NKAIN2: variants seen among roughly 807,000 people sequenced by gnomAD.
NKAIN2 encodes the protein sodium/potassium transporting ATPase interacting 2.
Under a neutral mutation model 32.6 loss-of-function variants are expected in NKAIN2, and 14 were observed. The observed-to-expected ratio is 0.43, with a 90% CI of 0.28 to 0.67. NKAIN2 has a LOEUF of 0.67. Ranked by LOEUF, NKAIN2 falls within the 30% of genes least tolerant of loss-of-function variation. The pLI is 0.17. For missense variants in NKAIN2, 198 were observed against 258.3 expected (o/e 0.77, Z 1.60); for synonymous variants, 80 against 87.2 (o/e 0.92, Z 0.46).
chr6:124,573,543 C>G (rs1236213788), intron 3 of NKAIN2, among the ~76,000 whole-genome samples: 9 of 151,944 alleles, frequency 5.9e-5, no homozygotes, highest in Non-Finnish European at 1.3e-4. Context: ...TTATTAAATT[C>G]TTCACAAATT....
chr6:123,826,747 G>C (rs964628159), intron 1 of NKAIN2, among the ~76,000 whole-genome samples: 4 of 152,020 alleles, frequency 2.6e-5, no homozygotes, highest in Non-Finnish European at 5.9e-5. Flanking sequence ...TCATCCATCA[G>C]TGAACTCTTG....
rs569357334 is a variant in NKAIN2 at position 124,119,616 on chromosome 6, G to A, written c.55-163389G>A. ...GTATTTGCTTTGTCCTGTGAAACATGGACTGTATAAGCATCTGTGATGCAA... is the reference window on the plus strand; with the variant it reads ...GTATTTGCTTTGTCCTGTGAAACATAGACTGTATAAGCATCTGTGATGCAA... On this transcript the variant is annotated intron_variant, in intron 1 of 6. Transcript: ENST00000368417. 5.3e-5 allele frequency among the ~76,000 whole-genome samples: 8 copies of A among 152,170 alleles called. No individual in the cohort carries two copies. The South Asian group carries it at 1.5e-3, about 28-fold the overall frequency.
intron 1 of NKAIN2, among the ~76,000 whole-genome samples, chr6:124,106,748 C>T (rs1021732916): frequency 2.6e-5 from 4 of 152,180 alleles, no homozygotes; most frequent in Admixed American, 2.6e-4. Context: ...CATATTTATG[C>T]TCTATCCATT....
At chr6:124,601,171 C>A (rs1410964394) in intron 3 of NKAIN2, among the ~76,000 whole-genome samples, 1 of 152,012 alleles carries the variant, frequency 6.6e-6, no homozygotes, top group African/African-American at 2.4e-5. Context: ...TGAGGTAGAT[C>A]CAGTTGAATG....
At chr6:124,282,292 G>T in intron 1 of NKAIN2, 3 of 342,142 alleles carry the variant, frequency 8.8e-6, no homozygotes, top group Middle Eastern at 3.9e-4. Flanking sequence ...TAACAGTGAT[G>T]CTTGATTTTT....
intron 3 of NKAIN2, among the ~76,000 whole-genome samples, chr6:124,568,288 G>A (rs1363734499): frequency 6.6e-6 from 1 of 152,176 alleles, no homozygotes; most frequent in Admixed American, 6.5e-5. Flanking sequence ...TGGGTATTTA[G>A]ACGAGCAATT....
intron 3 of NKAIN2, among the ~76,000 whole-genome samples, chr6:124,546,340 T>C (rs909235286): frequency 6.6e-6 from 1 of 151,916 alleles, no homozygotes; most frequent in Non-Finnish European, 1.5e-5. Context: ...CCACCCAGAG[T>C]TAGAAAAACT....
chr6:124,000,285 G>A (rs2114710219), intron 1 of NKAIN2, among the ~76,000 whole-genome samples: 1 of 152,132 alleles, frequency 6.6e-6, no homozygotes, highest in South Asian at 2.1e-4. Context: ...CAGATAAAGT[G>A]TAATGCCCAG....
chr6:124,692,331 C>A (rs920662769), intron 4 of NKAIN2, among the ~76,000 whole-genome samples: 1 of 152,132 alleles, frequency 6.6e-6, no homozygotes, highest in Non-Finnish European at 1.5e-5. Context: ...ATACAAAAAT[C>A]ATTGAGACAA....
At chr6:124,543,599 A>C (rs565437682) in intron 3 of NKAIN2, among the ~76,000 whole-genome samples, 1 of 152,332 alleles carries the variant, frequency 6.6e-6, no homozygotes, top group Non-Finnish European at 1.5e-5. Flanking sequence ...ACACCACAAC[A>C]CAAAAGATGA....
chr6:124,237,890 T>C (rs1792862544), intron 1 of NKAIN2, among the ~76,000 whole-genome samples: 1 of 152,066 alleles, frequency 6.6e-6, no homozygotes. Context: ...AGGAGAAAGA[T>C]GATAGAAAGA....
intron 3 of NKAIN2, among the ~76,000 whole-genome samples, chr6:124,380,217 T>C (rs1381394621): frequency 6.6e-6 from 1 of 152,132 alleles, no homozygotes; most frequent in East Asian, 1.9e-4. Flanking sequence ...GCTTTCTCTT[T>C]GTTCATTTAG....
intron 2 of NKAIN2, among the ~76,000 whole-genome samples, chr6:124,331,375 A>AAAAAAC (rs1797650052): frequency 6.8e-6 from 1 of 146,772 alleles, no homozygotes; most frequent in African/African-American, 2.5e-5. Context: ...AAAAAAAAAA[A>AAAAAAC]AAAACTAGCT....
At chr6:123,970,682 C>A (rs569391874) in intron 1 of NKAIN2, among the ~76,000 whole-genome samples, 1 of 151,962 alleles carries the variant, frequency 6.6e-6, no homozygotes, top group East Asian at 1.9e-4. Flanking sequence ...AGTTTGAGAC[C>A]AGCCTGGGTA....
intron 1 of NKAIN2, among the ~76,000 whole-genome samples, chr6:123,883,727 A>T (rs983321003): frequency 3.9e-4 from 59 of 150,372 alleles, no homozygotes; most frequent in Non-Finnish European, 6.7e-4. Flanking sequence ...GGTACATTTT[A>T]AAAAAATGTA....
chr6:124,583,823 C>A (rs1229041157), intron 3 of NKAIN2, among the ~76,000 whole-genome samples: 1 of 152,122 alleles, frequency 6.6e-6, no homozygotes, highest in Non-Finnish European at 1.5e-5. Flanking sequence ...GCATAGAGAA[C>A]CCAGAATCAA....
chr6:124,443,753 A>G (rs1775785060), intron 3 of NKAIN2, among the ~76,000 whole-genome samples: 1 of 152,124 alleles, frequency 6.6e-6, no homozygotes, highest in African/African-American at 2.4e-5. Flanking sequence ...TTGTAACTAT[A>G]AAGTATATCC....
chr6:124,773,998 C>T (rs1778876842), intron 4 of NKAIN2, among the ~76,000 whole-genome samples: 1 of 152,114 alleles, frequency 6.6e-6, no homozygotes, highest in Admixed American at 6.6e-5. Context: ...AATGGGGAGA[C>T]ACATTATGTC....
At chr6:124,318,204 A>T (rs1797040149) in intron 2 of NKAIN2, among the ~76,000 whole-genome samples, 1 of 152,052 alleles carries the variant, frequency 6.6e-6, no homozygotes, top group South Asian at 2.1e-4. Flanking sequence ...GAGGACCTAA[A>T]CAGATTACAA....
Sources: allele counts gnomAD v4.1 joint callset (sites outside exome capture counted in the v4.1 genomes callset), GRCh38; gene constraint gnomAD v4.1.1; transcripts MANE v1.5; gene names NCBI Gene and HGNC (gene_info 2026-07-23, HGNC 2026-07-21).